The following NRXN3 variants were observed in gnomAD, a reference collection of about 807,000 sequenced individuals.
NRXN3 encodes neurexin III.
A neutral mutation model predicts 137.6 loss-of-function variants in NRXN3; 32 were observed. The ratio of observed to expected loss-of-function variants is 0.23; its 90% CI spans 0.18 to 0.31. The LOEUF (loss-of-function observed/expected upper bound fraction) is 0.31. Among genes scored for constraint, NRXN3 ranks in the 10% least tolerant of loss-of-function variants. The pLI, the probability that NRXN3 is intolerant of heterozygous loss-of-function variation, is 1.00. For synonymous variants in NRXN3, 798 were observed against 784.5 expected, an observed-to-expected ratio of 1.02 and a Z score of -0.29; for missense variants, 1,574 against 2,062.5, an observed-to-expected ratio of 0.76 and a Z score of 4.59.
At chr14:78,384,887 A>G (rs2089709497) in intron 4 of NRXN3, among the ~76,000 whole-genome samples, 1 of 152,224 alleles carries the variant, frequency 6.6e-6, no homozygotes, top group South Asian at 2.1e-4. Context: ...ACCCCACTCT[A>G]GACTTTAAGA....
intron 20 of NRXN3, among the ~76,000 whole-genome samples, chr14:79,856,124 G>A (rs1411130450): frequency 6.6e-6 from 1 of 152,150 alleles, no homozygotes; most frequent in Non-Finnish European, 1.5e-5. Flanking sequence ...TGGGGTGGAA[G>A]GGTGGTGGGG....
At chr14:79,357,898 C>G (rs2093482445) in intron 15 of NRXN3, among the ~76,000 whole-genome samples, 1 of 152,134 alleles carries the variant, frequency 6.6e-6, no homozygotes, top group African/African-American at 2.4e-5. Context: ...ATTTCTTCCC[C>G]TTTCCTCTGT....
chr14:78,603,758 T>C (rs2097221232), intron 4 of NRXN3, among the ~76,000 whole-genome samples: 1 of 152,148 alleles, frequency 6.6e-6, no homozygotes, highest in Non-Finnish European at 1.5e-5. Flanking sequence ...TGACTTTGGA[T>C]GGACAGTGTC....
intron 6 of NRXN3, among the ~76,000 whole-genome samples, chr14:78,693,777 C>T (rs868827679): frequency 6.7e-6 from 1 of 148,304 alleles, no homozygotes. Flanking sequence ...ATAATACCAA[C>T]CTGACCTCGT....
chr14:78,532,628 C>T (rs892520678), intron 4 of NRXN3, among the ~76,000 whole-genome samples: 7 of 152,186 alleles, frequency 4.6e-5, no homozygotes, highest in African/African-American at 1.7e-4. Context: ...CTCTACTTGT[C>T]TTCATTCTGT....
chr14:78,453,572 C>G (rs1458610420), intron 4 of NRXN3, among the ~76,000 whole-genome samples: 1 of 152,190 alleles, frequency 6.6e-6, no homozygotes, highest in African/African-American at 2.4e-5. Flanking sequence ...CTTTTTCCAG[C>G]ATAAGAAAGA....
chr14:78,222,427 A>G (rs961199253), intron 1 of NRXN3, among the ~76,000 whole-genome samples: 1 of 152,162 alleles, frequency 6.6e-6, no homozygotes, highest in Non-Finnish European at 1.5e-5. Context: ...AAGGTGTTGT[A>G]AAGACCAGCC....
chr14:79,377,564 G>C (rs999573968), intron 15 of NRXN3, among the ~76,000 whole-genome samples: 1 of 151,620 alleles, frequency 6.6e-6, no homozygotes, highest in Non-Finnish European at 1.5e-5. Context: ...GACCAGCCTG[G>C]CCAACATAGC....
chr14:79,734,251 T>C (rs2098934249), intron 19 of NRXN3, among the ~76,000 whole-genome samples: 1 of 152,212 alleles, frequency 6.6e-6, no homozygotes, highest in African/African-American at 2.4e-5. Context: ...GATCCAATTC[T>C]GTGTAAACTC....
At chr14:78,246,238 A>T (rs1276471488) in intron 2 of NRXN3, among the ~76,000 whole-genome samples, 2 of 152,148 alleles carry the variant, frequency 1.3e-5, no homozygotes, top group African/African-American at 4.8e-5. Flanking sequence ...TCTATACTGT[A>T]TATGTATACA....
At chr14:78,841,274 C>T (rs2099011615) in intron 10 of NRXN3, among the ~76,000 whole-genome samples, 1 of 152,000 alleles carries the variant, frequency 6.6e-6, no homozygotes, top group African/African-American at 2.4e-5. Flanking sequence ...GTATTTAGAA[C>T]CAGATGGATG....
At chr14:79,680,752 G>A (rs138689894) in intron 17 of NRXN3, among the ~76,000 whole-genome samples, 3 of 152,232 alleles carry the variant, frequency 2.0e-5, no homozygotes, top group East Asian at 1.9e-4. Flanking sequence ...ATTCATTGAT[G>A]GGGTGAGAGG....
chr14:79,549,207 A>G (rs1048817212), intron 16 of NRXN3, among the ~76,000 whole-genome samples: 1 of 152,086 alleles, frequency 6.6e-6, no homozygotes, highest in Non-Finnish European at 1.5e-5. Flanking sequence ...TATCTCAAAA[A>G]ACAGAAGACA....
At chr14:78,287,292 A>G (rs1289192779) in intron 3 of NRXN3, among the ~76,000 whole-genome samples, 3 of 152,190 alleles carry the variant, frequency 2.0e-5, no homozygotes, top group Admixed American at 2.0e-4. Context: ...CTTTTAGGCC[A>G]TAGGTCTAGT....
At chr14:79,097,227 C>G (rs2050513978) in intron 15 of NRXN3, among the ~76,000 whole-genome samples, 1 of 152,032 alleles carries the variant, frequency 6.6e-6, no homozygotes, top group Non-Finnish European at 1.5e-5. Flanking sequence ...AAGTTGAGAA[C>G]AGAAGAAACA....
intron 19 of NRXN3, among the ~76,000 whole-genome samples, chr14:79,783,259 G>A (rs568881390): frequency 1.4e-4 from 21 of 152,334 alleles, no homozygotes; most frequent in African/African-American, 3.8e-4. Flanking sequence ...TGACGAGGCT[G>A]CAGGTCTTTG....
intron 1 of NRXN3, among the ~76,000 whole-genome samples, chr14:78,206,927 G>C (rs1230233880): frequency 6.6e-6 from 1 of 151,986 alleles, no homozygotes; most frequent in Non-Finnish European, 1.5e-5. Flanking sequence ...GCAGTGGTGA[G>C]ATCTTGGCTC....
At chr14:79,103,041 C>T (rs2051649309) in intron 15 of NRXN3, among the ~76,000 whole-genome samples, 1 of 152,028 alleles carries the variant, frequency 6.6e-6, no homozygotes, top group African/African-American at 2.4e-5. Context: ...GTAATTTGTT[C>T]AAGAAATTCA....
At chr14:79,672,980 T>A (rs930506697) in intron 17 of NRXN3, among the ~76,000 whole-genome samples, 1 of 152,096 alleles carries the variant, frequency 6.6e-6, no homozygotes, top group African/African-American at 2.4e-5. Flanking sequence ...ACATACAGTA[T>A]GTCATTTATA....
Sources: gnomAD v4.1 joint callset for allele counts (sites outside exome capture counted in the v4.1 genomes callset) on GRCh38, gnomAD v4.1.1 for gene constraint, MANE v1.5 for transcripts, NCBI Gene and HGNC (gene_info 2026-07-23, HGNC 2026-07-21) for gene names.